The following ESPNL variants were observed in gnomAD, a reference collection of about 807,000 sequenced individuals.
ESPNL encodes espin like.
ESPNL carries 49 observed loss-of-function variants against 46.8 expected under a neutral mutation model. That is an observed-to-expected ratio of 1.05 (90% CI 0.83 to 1.33). The LOEUF (loss-of-function observed/expected upper bound fraction) is 1.33. Ranked by LOEUF, ESPNL falls within the 40% of genes most tolerant of loss-of-function variation. The pLI, the probability that ESPNL is intolerant of heterozygous loss-of-function variation, is 0.00. For missense variants in ESPNL, 1,540 were observed against 1,436.6 expected, an observed-to-expected ratio of 1.07 and a Z score of -1.16; for synonymous variants, 664 against 662.1, an observed-to-expected ratio of 1.00 and a Z score of -0.04.
chr2:238,126,078 G>A (rs951188579), intron 6 of ESPNL, among the ~76,000 whole-genome samples: 1 of 151,608 alleles, frequency 6.6e-6, no homozygotes, highest in Non-Finnish European at 1.5e-5. Context: ...GTTCATGTGT[G>A]TCTGTGTGTG....
chr2:238,103,428 C>CA (rs1225100669), intron 2 of ESPNL, among the ~76,000 whole-genome samples: 3 of 133,496 alleles, frequency 2.2e-5, no homozygotes, highest in Middle Eastern at 3.5e-3. Flanking sequence ...GACCATGTCT[C>CA]AAAAAAAAGA....
At chr2:238,124,386 T>C (rs1037320174) in intron 5 of ESPNL, among the ~76,000 whole-genome samples, 2 of 152,062 alleles carry the variant, frequency 1.3e-5, no homozygotes, top group African/African-American at 2.4e-5. Context: ...GGTGGGCACA[T>C]TGGGGACCCC....
chr2:238,115,389 G>A (rs1183667068), intron 4 of ESPNL, among the ~76,000 whole-genome samples: 1 of 152,188 alleles, frequency 6.6e-6, no homozygotes, highest in East Asian at 1.9e-4. Flanking sequence ...TGGTGGTGCC[G>A]ACCATAGATC....
chr2:238,101,432 C>G (rs547834705), intron 1 of ESPNL, among the ~76,000 whole-genome samples: 1 of 152,240 alleles, frequency 6.6e-6, no homozygotes, highest in East Asian at 1.9e-4. Context: ...CCAAGGGCAG[C>G]AGGCGGGAGC....
chr2:238,100,691 G>C lies in ESPNL; in HGVS notation c.272G>C (p.Arg91Pro). ...CTGGCCGAGCTGTGCTGGCTGGTCC[G>C]CGAGGGGGGCTGCGGTCTGCAGGTG... ...GSLAELCWLVREGGCGLQDQD... is the reference protein window; with the variant it reads ...GSLAELCWLVPEGGCGLQDQD... Residue 91 changes from arginine to proline, a missense_variant, in exon 1 of 9, where the codon CGC becomes CCC. Arg to Pro is a moderately radical substitution (Grantham distance 103). Coordinates refer to ENST00000343063, the MANE Select transcript of ESPNL (RefSeq NM_194312.4). 7.0e-7 allele frequency: 1 copy of C among 1,431,732 alleles called. No homozygotes were observed. Among genetic ancestry groups the C allele is most frequent in the Non-Finnish European group, 9.1e-7 (1 of 1,102,696 alleles). 88.7% of individuals were successfully genotyped at this position (1,431,732 alleles called of 1,614,324 possible).
chr2:238,124,997 C>G (rs1449624896), intron 5 of ESPNL, among the ~76,000 whole-genome samples: 1 of 152,178 alleles, frequency 6.6e-6, no homozygotes. Context: ...GGAAGCTGAG[C>G]TTTGAGATGG....
At chr2:238,101,432 C>T (rs547834705) in intron 1 of ESPNL, among the ~76,000 whole-genome samples, 1 of 152,358 alleles carries the variant, frequency 6.6e-6, no homozygotes, top group South Asian at 2.1e-4. Flanking sequence ...CCAAGGGCAG[C>T]AGGCGGGAGC....
chr2:238,127,586 T>C (rs757674723), intron 6 of ESPNL, 36 bp from the exon 7 acceptor site: 12 of 1,558,914 alleles, frequency 7.7e-6, no homozygotes, highest in African/African-American at 1.4e-5. Context: ...TCCCCAGCCC[T>C]TGCCCTTTCT....
At chr2:238,113,671 A>C (rs548361128) in intron 4 of ESPNL, among the ~76,000 whole-genome samples, 5 of 152,266 alleles carry the variant, frequency 3.3e-5, no homozygotes, top group African/African-American at 9.6e-5. Flanking sequence ...CCAGGCAGGA[A>C]GTTCCCAGGA....
At position 238,127,683 on chromosome 2, in the gene ESPNL, G is replaced by A. The variant is rs757950744; in HGVS notation, c.1164G>A (p.Met388Ile). 3.1e-6 allele frequency: 5 copies of A among 1,612,412 alleles called. No homozygotes were observed. The East Asian group carries it at 8.9e-5, about 29-fold the overall frequency. Residue 388 changes from methionine (M) to isoleucine (I), a missense_variant, in exon 7 of 9, where the codon ATG becomes ATA. Physicochemically the swap from Met to Ile is conservative, Grantham distance 10 (BLOSUM62 1). Coordinates refer to ENST00000343063, the MANE Select transcript of ESPNL (RefSeq NM_194312.4). ...HPDQPLPREQMTSPAPPRIIT... is the reference protein window; with the variant it reads ...HPDQPLPREQITSPAPPRIIT... ...ACCAGCCTCTTCCCAGGGAGCAGAT[G>A]ACCAGCCCGGCCCCTCCGAGGATCA...
chr2:238,128,968 G>A, intron 8 of ESPNL, 64 bp downstream of exon 8: 5 of 1,495,002 alleles, frequency 3.3e-6, no homozygotes, highest in East Asian at 5.0e-5. Context: ...AGGTGGAAGT[G>A]GAAGTCAGGG....
In ESPNL at chr2:238,102,053, A is replaced by C. The variant is rs1201426561; in HGVS notation, c.407A>C (p.Glu136Ala). The C allele has an allele frequency of 6.3e-7, 1 of 1,598,062 alleles. No homozygotes were observed. The highest frequency in any genetic ancestry group is 1.1e-5 in the South Asian group (1 of 89,290). The change falls in exon 2 of 9, where the codon GAG becomes GCG. Residue 136 changes from glutamate to alanine, a missense_variant. By Grantham distance (107) the Glu-to-Ala change is moderately radical. Transcript: ENST00000343063. ...EGHSATLETREGARPLHHAAV... is the reference protein window; with the variant it reads ...EGHSATLETRAGARPLHHAAV... ...CACTCGGCCACGCTAGAGACCCGGG[A>C]GGGAGCCCGGCCGCTGCACCACGCT...
intron 4 of ESPNL, among the ~76,000 whole-genome samples, chr2:238,112,923 G>A (rs567090843): frequency 2.1e-3 from 318 of 152,270 alleles, no homozygotes; most frequent in African/African-American, 7.4e-3. Context: ...TATCAACGTT[G>A]CATATGTTCT....
chr2:238,106,749 C>G (rs1008839308), intron 3 of ESPNL, among the ~76,000 whole-genome samples: 1 of 151,274 alleles, frequency 6.6e-6, no homozygotes, highest in Non-Finnish European at 1.5e-5. Flanking sequence ...AGGGTGTCCA[C>G]TGAACCCCTA....
intron 1 of ESPNL, among the ~76,000 whole-genome samples, chr2:238,101,181 C>T (rs1291413190): frequency 6.6e-6 from 1 of 152,200 alleles, no homozygotes; most frequent in African/African-American, 2.4e-5. Context: ...TCCTGCCTGC[C>T]CAGTCCCCTT....
chr2:238,104,851 G>A lies in ESPNL; in HGVS notation c.672+9G>A, dbSNP rs779842666. 12 of 1,478,312 alleles carry A rather than the reference G, an allele frequency of 8.1e-6. No homozygotes were observed. The highest frequency in any genetic ancestry group is 1.1e-5 in the Non-Finnish European group (12 of 1,110,466). 91.6% of individuals were successfully genotyped at this position (1,478,312 alleles called of 1,614,324 possible). ...CCCTCGTCGTCTGGCTGGTAAGTGG[G>A]TGCCAGAGGTGGGAAGGGGACATCC... On this transcript the variant is annotated intron_variant, in intron 3 of 8. Coordinates refer to ENST00000343063, the MANE Select transcript of ESPNL (RefSeq NM_194312.4).
At chr2:238,106,464 C>G (rs1691601132) in intron 3 of ESPNL, among the ~76,000 whole-genome samples, 1 of 152,212 alleles carries the variant, frequency 6.6e-6, no homozygotes, top group Non-Finnish European at 1.5e-5. Flanking sequence ...TTCGTGGAGA[C>G]TGCAGCCCCT....
At position 238,116,749 on chromosome 2, in the gene ESPNL, G is replaced by C. The variant is rs1371085690; in HGVS notation, c.856-154G>C. ...CTCGGGGGCTCCTAGGCAGGTCTCT[G>C]GCACCCCACGGCCCAGATTCAAGTC... On this transcript the variant is annotated intron_variant, in intron 4 of 8. Transcript: ENST00000343063. 2.6e-5 allele frequency among the ~76,000 whole-genome samples: 4 copies of C among 152,150 alleles called. No homozygotes were observed. In the East Asian group the frequency reaches 7.7e-4, roughly 29 times the overall value.
Position 238,117,032 on chromosome 2 carries a change from C to T in ESPNL, c.985C>T (p.Pro329Ser), listed in dbSNP as rs546599265. ...CAQYLREVAQ[P>S]VPLLMTPPPP... ...CCAGTACCTGCGGGAGGTGGCCCAG[C>T]CGGTAAGGCTCAGGGTCCCCAGCTG... Residue 329 changes from proline to serine, a missense_variant and splice_region_variant, in exon 5 of 9, where the codon CCG becomes TCG. Physicochemically the swap from Pro to Ser is moderately conservative, Grantham distance 74. Coordinates refer to ENST00000343063, the MANE Select transcript of ESPNL (RefSeq NM_194312.4). 2.5e-5 allele frequency: 41 copies of T among 1,608,878 alleles called. No homozygotes were observed. In the East Asian group the frequency reaches 8.0e-4, roughly 32 times the overall value.
Sources: gnomAD v4.1 joint callset for allele counts (sites outside exome capture counted in the v4.1 genomes callset) on GRCh38, gnomAD v4.1.1 for gene constraint, MANE v1.5 for transcripts, NCBI Gene and HGNC (gene_info 2026-07-23, HGNC 2026-07-21) for gene names.